Variants in ACTL8 observed in about 807,000 individuals in gnomAD.
The protein encoded by ACTL8 is actin like 8.
A neutral mutation model predicts 9.3 loss-of-function variants in ACTL8; 3 were observed. The observed-to-expected ratio is 0.32, with a 90% CI of 0.15 to 0.83. The LOEUF is 0.83. ACTL8 is among the 40% of genes least tolerant of loss of function. The pLI is 0.57. For synonymous variants in ACTL8, 224 were observed against 205.9 expected, an observed-to-expected ratio of 1.09 and a Z score of -0.75; for missense variants, 381 against 492.2, an observed-to-expected ratio of 0.77 and a Z score of 2.14.
chr1:17,789,187 A>G (rs752490316), intron 1 of ACTL8, among the ~76,000 whole-genome samples: 1 of 152,160 alleles, frequency 6.6e-6, no homozygotes, highest in African/African-American at 2.4e-5. Flanking sequence ...TCTTAGTGGC[A>G]TGATGTATGG....
intron 1 of ACTL8, among the ~76,000 whole-genome samples, chr1:17,793,020 G>A (rs2066251459): frequency 6.6e-6 from 1 of 152,200 alleles, no homozygotes. Context: ...AGAAAGCAGG[G>A]GCGGGACAGT....
chr1:17,786,721 A>G (rs1225994874), intron 1 of ACTL8, among the ~76,000 whole-genome samples: 1 of 152,088 alleles, frequency 6.6e-6, no homozygotes, highest in Admixed American at 6.5e-5. Flanking sequence ...TTTTTTAGAG[A>G]TACGGTCTCA....
At chr1:17,789,595 G>A (rs1048916493) in intron 1 of ACTL8, among the ~76,000 whole-genome samples, 3 of 152,084 alleles carry the variant, frequency 2.0e-5, no homozygotes, top group African/African-American at 2.4e-5. Context: ...GTTGGGGAGC[G>A]TAATGAGTGG....
chr1:17,772,879 G>A (rs1310437708), intron 1 of ACTL8, among the ~76,000 whole-genome samples: 1 of 151,584 alleles, frequency 6.6e-6, no homozygotes, highest in African/African-American at 2.4e-5. Context: ...ATGAGGTCTT[G>A]TGAGTACCTC....
At chr1:17,814,809 C>T (rs556913366) in intron 1 of ACTL8, among the ~76,000 whole-genome samples, 144 of 133,302 alleles carry the variant, frequency 1.1e-3, no homozygotes, top group Non-Finnish European at 1.9e-3. Context: ...AATAACATGC[C>T]GTACCGGTTT....
chr1:17,758,907 G>A (rs1364829678), intron 1 of ACTL8, among the ~76,000 whole-genome samples: 5 of 152,136 alleles, frequency 3.3e-5, no homozygotes, highest in African/African-American at 4.8e-5. Context: ...TTTGGAAGTC[G>A]ACTTTATAGT....
intron 1 of ACTL8, among the ~76,000 whole-genome samples, chr1:17,764,102 G>A (rs577490133): frequency 6.6e-6 from 1 of 152,172 alleles, no homozygotes. Flanking sequence ...GGGTGGGGGT[G>A]CTGGTGCTTT....
intron 1 of ACTL8, among the ~76,000 whole-genome samples, chr1:17,766,087 C>T (rs1448297138): frequency 3.9e-5 from 6 of 152,190 alleles, no homozygotes; most frequent in African/African-American, 1.2e-4. Flanking sequence ...ACACTCCCAG[C>T]CCTTGTAATT....
intron 1 of ACTL8, among the ~76,000 whole-genome samples, chr1:17,789,776 C>T (rs1488764438): frequency 2.0e-5 from 3 of 151,098 alleles, no homozygotes; most frequent in African/African-American, 5.0e-5. Flanking sequence ...AGAGAGATAA[C>T]ATTTTCCAAG....
intron 1 of ACTL8, among the ~76,000 whole-genome samples, chr1:17,797,396 G>T (rs926876531): frequency 6.6e-6 from 1 of 152,176 alleles, no homozygotes; most frequent in African/African-American, 2.4e-5. Flanking sequence ...TCTTTGAAGT[G>T]CCTGGAGCTT....
intron 1 of ACTL8, among the ~76,000 whole-genome samples, chr1:17,757,479 C>A (rs1315591793): frequency 7.1e-6 from 1 of 140,182 alleles, no homozygotes; most frequent in Admixed American, 7.1e-5. Context: ...TGAGCCCACC[C>A]CCCCCACCCC....
At chr1:17,781,150 A>C (rs1417534771) in intron 1 of ACTL8, among the ~76,000 whole-genome samples, 1 of 151,046 alleles carries the variant, frequency 6.6e-6, no homozygotes, top group Non-Finnish European at 1.5e-5. Flanking sequence ...CATCACTGCC[A>C]TCTCCGGCTC....
chr1:17,812,267 C>T (rs1172429184), intron 1 of ACTL8, among the ~76,000 whole-genome samples: 1 of 152,086 alleles, frequency 6.6e-6, no homozygotes, highest in East Asian at 1.9e-4. Context: ...TTTGCCTTAC[C>T]ATATACACTT....
intron 1 of ACTL8, among the ~76,000 whole-genome samples, chr1:17,790,482 G>A (rs2066231173): frequency 6.6e-6 from 1 of 152,212 alleles, no homozygotes; most frequent in African/African-American, 2.4e-5. Flanking sequence ...TGGAGGCCCT[G>A]GAGTGGGTAA....
chr1:17,793,265 G>A (rs1236417943), intron 1 of ACTL8, among the ~76,000 whole-genome samples: 1 of 152,230 alleles, frequency 6.6e-6, no homozygotes, highest in East Asian at 1.9e-4. Flanking sequence ...GGGCTCCCTG[G>A]AAGGGTCTGG....
rs115561796 is a variant in ACTL8 at position 17,808,243 on chromosome 1, C to T, written c.-24-14742C>T. The stretch of plus-strand genomic sequence containing the variant: ...AAACATTGCACAGACTTGAGGGACA[C>T]AAGACCCCAGGGACACATTAACAGG... On this transcript the variant is annotated intron_variant, in intron 1 of 2. Coordinates refer to ENST00000375406, the MANE Select transcript of ACTL8 (RefSeq NM_030812.3). 3.0e-3 allele frequency among the ~76,000 whole-genome samples: 461 copies of T among 152,298 alleles called. 3 individuals carry two copies. The highest frequency in any genetic ancestry group is 0.01 in the African/African-American group (436 of 41,556).
At chr1:17,820,280 T>C (rs1480600584) in intron 1 of ACTL8, among the ~76,000 whole-genome samples, 1 of 152,180 alleles carries the variant, frequency 6.6e-6, no homozygotes, top group Non-Finnish European at 1.5e-5. Flanking sequence ...GGGGTCTGGC[T>C]TCTTTCAGCC....
At chr1:17,794,644 C>T (rs1348123808) in intron 1 of ACTL8, among the ~76,000 whole-genome samples, 1 of 152,182 alleles carries the variant, frequency 6.6e-6, no homozygotes, top group African/African-American at 2.4e-5. Context: ...TTTCTCTTTG[C>T]ATAATTTTTA....
rs1401507478 is a variant in ACTL8, at chr1:17,767,343, AG to A, written c.-25+11845del. Reference sequence around the variant, plus strand: ...CAGAGCCGGGGGATGAGGCGGAGGCAGGGGGGCCAGTGTGGGGGCCGTCCCT... The same window carrying A: ...CAGAGCCGGGGGATGAGGCGGAGGCAGGGGGCCAGTGTGGGGGCCGTCCCT... On this transcript the variant is annotated intron_variant, in intron 1 of 2. Transcript: ENST00000375406. This position sits in a 1 kb window ranked among gnomAD's most constrained non-coding sequence, Gnocchi z 4.7. 6.6e-6 allele frequency among the ~76,000 whole-genome samples: 1 copy of A among 152,012 alleles called. No homozygotes were observed. The highest frequency in any genetic ancestry group is 2.4e-5 in the African/African-American group (1 of 41,362).
Sources: gnomAD v4.1 joint callset for allele counts (sites outside exome capture counted in the v4.1 genomes callset) on GRCh38, gnomAD v4.1.1 for gene constraint, Gnocchi (gnomAD v3.1) non-coding constraint, MANE v1.5 for transcripts, NCBI Gene and HGNC (gene_info 2026-07-23, HGNC 2026-07-21) for gene names.